Variants in KIF6 observed in about 807,000 individuals in gnomAD.
KIF6 encodes kinesin family member 6.
Under a neutral mutation model 112.7 loss-of-function variants are expected in KIF6, and 106 were observed. The ratio of observed to expected loss-of-function variants is 0.94; its 90% CI spans 0.80 to 1.11. KIF6 has a LOEUF of 1.11. Ranked by LOEUF, KIF6 falls within the 50% of genes least tolerant of loss-of-function variation. KIF6 has a pLI of 0.00. For synonymous variants in KIF6, 339 were observed against 339.9 expected (o/e 1.00, Z 0.03); for missense variants, 929 against 964.0 (o/e 0.96, Z 0.48).
intron 5 of KIF6, among the ~76,000 whole-genome samples, chr6:39,629,202 G>A (rs1160859466): frequency 6.6e-6 from 1 of 152,066 alleles, no homozygotes; most frequent in African/African-American, 2.4e-5. Context: ...GAGCGCAGTT[G>A]CTGGATCATA....
chr6:39,576,258 G>A lies in KIF6; in HGVS notation c.1181+1798C>T, dbSNP rs1266006087. ...TCCTGCCTCAGCCTCCCGAGTAGCT[G>A]GGATTACAGGCATGCACCACCACAC... On this transcript the variant is annotated intron_variant, in intron 10 of 22. Transcript: ENST00000287152. 2.0e-5 allele frequency among the ~76,000 whole-genome samples: 3 copies of A among 152,016 alleles called. No individual in the cohort carries two copies. The East Asian group carries it at 5.8e-4, about 29-fold the overall frequency.
chr6:39,503,831 T>C (rs1043377196), intron 13 of KIF6, among the ~76,000 whole-genome samples: 4 of 130,046 alleles, frequency 3.1e-5, no homozygotes, highest in African/African-American at 1.2e-4. Context: ...GAGGCAGTAA[T>C]AGCCTACCAA....
intron 10 of KIF6, among the ~76,000 whole-genome samples, chr6:39,563,841 C>T (rs1239984980): frequency 1.3e-5 from 2 of 152,212 alleles, no homozygotes; most frequent in African/African-American, 4.8e-5. Flanking sequence ...TATACCCTCA[C>T]CAACTCAGGG....
At chr6:39,624,805 T>C (rs940553288) in intron 5 of KIF6, among the ~76,000 whole-genome samples, 1 of 147,470 alleles carries the variant, frequency 6.8e-6, no homozygotes, top group African/African-American at 2.5e-5. Flanking sequence ...ACACTGAAAC[T>C]CTTTCTTCCC....
intron 19 of KIF6, among the ~76,000 whole-genome samples, chr6:39,347,656 T>C (rs775543363): frequency 2.0e-5 from 3 of 152,222 alleles, no homozygotes; most frequent in Non-Finnish European, 2.9e-5. Context: ...CTGGGGACAC[T>C]TGGGCTGAGA....
chr6:39,402,366 C>T (rs888870184), intron 15 of KIF6, among the ~76,000 whole-genome samples: 7 of 152,170 alleles, frequency 4.6e-5, no homozygotes, highest in African/African-American at 9.6e-5. Context: ...TTACTCACTC[C>T]GTGCTGTGCC....
intron 15 of KIF6, among the ~76,000 whole-genome samples, chr6:39,408,761 G>C (rs1769273124): frequency 6.6e-6 from 1 of 152,064 alleles, no homozygotes; most frequent in South Asian, 2.1e-4. Context: ...GAAAATGTGT[G>C]GGCTGCTTAC....
chr6:39,496,463 G>T (rs530641615), intron 13 of KIF6, among the ~76,000 whole-genome samples: 5 of 152,216 alleles, frequency 3.3e-5, no homozygotes, highest in African/African-American at 1.2e-4. Context: ...CCCTGTGAGG[G>T]CATAAGTAAC....
At chr6:39,699,779 T>C (rs1250565256) in intron 3 of KIF6, among the ~76,000 whole-genome samples, 2 of 152,160 alleles carry the variant, frequency 1.3e-5, no homozygotes, top group Non-Finnish European at 2.9e-5. Flanking sequence ...AAATATAATA[T>C]GTTGATGCTA....
intron 19 of KIF6, among the ~76,000 whole-genome samples, chr6:39,348,603 C>T (rs542076136): frequency 2.9e-4 from 44 of 152,266 alleles, no homozygotes; most frequent in African/African-American, 9.4e-4. Context: ...CTCATGTTGA[C>T]GCCCCTCTGG....
chr6:39,462,694 C>T (rs1232789733), intron 13 of KIF6, among the ~76,000 whole-genome samples: 2 of 152,002 alleles, frequency 1.3e-5, no homozygotes, highest in South Asian at 2.1e-4. Flanking sequence ...AAATGAGAGG[C>T]CCACAGCAAA....
intron 13 of KIF6, among the ~76,000 whole-genome samples, chr6:39,509,857 T>A (rs1776661723): frequency 6.6e-6 from 1 of 152,164 alleles, no homozygotes; most frequent in African/African-American, 2.4e-5. Context: ...CAGGCCAACA[T>A]TCAAATTCAG....
chr6:39,609,565 T>C (rs945171246), intron 6 of KIF6, among the ~76,000 whole-genome samples: 1 of 152,064 alleles, frequency 6.6e-6, no homozygotes. Flanking sequence ...AGACCTAACC[T>C]AACACTTCAA....
intron 19 of KIF6, among the ~76,000 whole-genome samples, chr6:39,347,681 A>T (rs1407473891): frequency 2.0e-5 from 3 of 152,228 alleles, no homozygotes; most frequent in Non-Finnish European, 2.9e-5. Flanking sequence ...GGCTAGGGTT[A>T]GAGACAGGTG....
At chr6:39,641,420 C>T (rs1456513915) in intron 3 of KIF6, among the ~76,000 whole-genome samples, 8 of 151,750 alleles carry the variant, frequency 5.3e-5, no homozygotes, top group Admixed American at 4.6e-4. Flanking sequence ...CACATGTCCT[C>T]ACTCATAGGT....
chr6:39,452,001 C>G (rs755275301), intron 13 of KIF6, among the ~76,000 whole-genome samples: 7 of 152,158 alleles, frequency 4.6e-5, no homozygotes, highest in African/African-American at 9.7e-5. Flanking sequence ...AATGGGCGAG[C>G]CTGCAATTCA....
At chr6:39,574,808 G>A (rs1261768034) in intron 10 of KIF6, among the ~76,000 whole-genome samples, 2 of 152,074 alleles carry the variant, frequency 1.3e-5, no homozygotes, top group African/African-American at 2.4e-5. Context: ...TATTCTCTAT[G>A]ACACTTTTCT....
At chr6:39,579,283 AATG>A (rs899615516) in intron 9 of KIF6, among the ~76,000 whole-genome samples, 2 of 152,122 alleles carry the variant, frequency 1.3e-5, no homozygotes, top group African/African-American at 4.8e-5. Flanking sequence ...TTAGGTGTAA[AATG>A]ATATCTCATT....
intron 13 of KIF6, among the ~76,000 whole-genome samples, chr6:39,479,613 A>AT (rs1341263138): frequency 3.3e-5 from 5 of 151,344 alleles, no homozygotes; most frequent in Non-Finnish European, 7.4e-5. Flanking sequence ...TTTTAGGATT[A>AT]TTTTTTCTAG....
Sources: gnomAD v4.1 joint callset for allele counts (sites outside exome capture counted in the v4.1 genomes callset) on GRCh38, gnomAD v4.1.1 for gene constraint, MANE v1.5 for transcripts, NCBI Gene and HGNC (gene_info 2026-07-23, HGNC 2026-07-21) for gene names.